The following ETV6 variants were observed in gnomAD, a reference collection of about 807,000 sequenced individuals.
The protein encoded by ETV6 is transcription factor ETV6.
Under a neutral mutation model 51.1 loss-of-function variants are expected in ETV6, and 16 were observed. The ratio of observed to expected loss-of-function variants is 0.31; its 90% CI spans 0.21 to 0.48. The LOEUF (loss-of-function observed/expected upper bound fraction) is 0.48, where lower values mean the gene tolerates loss of function less well. Ranked by LOEUF, ETV6 falls within the 20% of genes least tolerant of loss-of-function variation. The probability of loss-of-function intolerance (pLI) is 0.99; values close to 1 mark genes in which losing one functional copy is unlikely to be tolerated. For synonymous variants in ETV6, 240 were observed against 224.1 expected (o/e 1.07, Z -0.64); for missense variants, 458 against 594.8 (o/e 0.77, Z 2.39).
intron 4 of ETV6, among the ~76,000 whole-genome samples, chr12:11,854,322 C>G (rs550482753): frequency 7.9e-5 from 12 of 152,284 alleles, no homozygotes; most frequent in African/African-American, 2.9e-4. Flanking sequence ...CACTCACTTG[C>G]CCCCACCGCT....
At chr12:11,686,242 G>C (rs1399924160) in intron 1 of ETV6, among the ~76,000 whole-genome samples, 1 of 152,288 alleles carries the variant, frequency 6.6e-6, no homozygotes, top group East Asian at 1.9e-4. Flanking sequence ...GTTCACCAGG[G>C]ACTAATGATT....
rs538899245 is a variant in ETV6, at chr12:11,796,005, T to C, written c.164-43135T>C. On this transcript the variant is annotated intron_variant, in intron 2 of 7. Transcript: ENST00000396373. Reference sequence around the variant, plus strand: ...CAAAAAGCCTAGCAAAATAACATCATGAATTTGATCTGAGTGGTCACAGCA... The same window carrying C: ...CAAAAAGCCTAGCAAAATAACATCACGAATTTGATCTGAGTGGTCACAGCA... Among the ~76,000 whole-genome samples the C allele has an allele frequency of 7.9e-4, 120 of 152,342 alleles. 1 individual carries two copies. The highest frequency in any genetic ancestry group is 9.7e-4 in the East Asian group (5 of 5,180).
rs747459377 is a variant in ETV6 at position 11,853,919 on chromosome 12, G to C, written c.463+358G>C. Among the ~76,000 whole-genome samples the C allele has an allele frequency of 3.3e-5, 5 of 152,228 alleles. No individual in the cohort carries two copies. In the South Asian group the frequency reaches 6.2e-4, roughly 19 times the overall value. The stretch of plus-strand genomic sequence containing the variant: ...CCACCCTTTTTGGCACCAGGGACCA[G>C]TTTTGTGGAAGACAGTTTTTCCACC... On this transcript the variant is annotated intron_variant, in intron 4 of 7. Coordinates refer to ENST00000396373, the MANE Select transcript of ETV6 (RefSeq NM_001987.5).
rs944865100 is a variant in ETV6, at chr12:11,892,587, C to A, written c.*1541C>A. Reference sequence around the variant, plus strand: ...AAATCCAATATTTGGAGTACAATTTCTTTTAATCCAGATTACACCTGCCTT... The same window carrying A: ...AAATCCAATATTTGGAGTACAATTTATTTTAATCCAGATTACACCTGCCTT... On this transcript the variant is annotated 3_prime_UTR_variant, in exon 8 of 8. Coordinates refer to ENST00000396373, the MANE Select transcript of ETV6 (RefSeq NM_001987.5). The A allele has an allele frequency of 8.7e-6, 2 of 230,832 alleles. No homozygotes were observed. Among genetic ancestry groups the A allele is most frequent in the African/African-American group, 2.2e-5 (1 of 44,700 alleles). The allele number at this position is 230,832 out of a possible 1,614,324, so 14.3% of individuals were successfully genotyped here.
chr12:11,656,834 T>C (rs769644612), intron 1 of ETV6, among the ~76,000 whole-genome samples: 11 of 152,154 alleles, frequency 7.2e-5, no homozygotes, highest in Non-Finnish European at 1.2e-4. Context: ...CTTTTTTTTT[T>C]TTCCTTTTAA....
chr12:11,884,169 C>T (rs142780778), intron 5 of ETV6, among the ~76,000 whole-genome samples: 4 of 152,312 alleles, frequency 2.6e-5, no homozygotes, highest in South Asian at 2.1e-4. Flanking sequence ...GTTTGGGTCA[C>T]GACCGTGGAC....
At chr12:11,849,267 C>T (rs1038256903) in intron 3 of ETV6, among the ~76,000 whole-genome samples, 6 of 152,058 alleles carry the variant, frequency 3.9e-5, no homozygotes, top group African/African-American at 1.2e-4. Context: ...CGCATCACCA[C>T]GCCCAACTAA....
At chr12:11,823,592 A>G (rs984397815) in intron 2 of ETV6, among the ~76,000 whole-genome samples, 6 of 150,670 alleles carry the variant, frequency 4.0e-5, no homozygotes, top group Non-Finnish European at 7.4e-5. Context: ...TCAGCCTTCC[A>G]AGTAACTGGG....
chr12:11,720,782 CA>C (rs989276477), intron 1 of ETV6, among the ~76,000 whole-genome samples: 15 of 152,202 alleles, frequency 9.9e-5, no homozygotes, highest in African/African-American at 3.6e-4. Flanking sequence ...ACAGAGTAAA[CA>C]GCAACCTACC....
chr12:11,895,065 C>CT lies in ETV6; in HGVS notation c.*4023dup. On this transcript the variant is annotated 3_prime_UTR_variant, in exon 8 of 8. Coordinates refer to ENST00000396373, the MANE Select transcript of ETV6 (RefSeq NM_001987.5). ...ACCCACAGAAGACTAACCTGATACT[C>CT]TTTTGACCCAACTGCATCAACACTA... The CT allele has an allele frequency of 8.6e-6, 2 of 232,566 alleles. No individual in the cohort carries two copies. The highest frequency in any genetic ancestry group is 6.1e-5 in the East Asian group (1 of 16,468). The allele number at this position is 232,566 out of a possible 1,614,324, so 14.4% of individuals were successfully genotyped here.
Position 11,869,912 on chromosome 12 carries a change from A to G in ETV6, c.952A>G (p.Ile318Val). Reference sequence around the variant, plus strand: ...GGAAGACCTGGCTTACATGAACCACATCATGGTCTCTGTCTCCCCGCCTGA... The same window carrying G: ...GGAAGACCTGGCTTACATGAACCACGTCATGGTCTCTGTCTCCCCGCCTGA... The part of the protein sequence containing the change: ...HREDLAYMNH[I>V]MVSVSPPEEH... Residue 318 changes from isoleucine (I) to valine (V), a missense_variant, in exon 5 of 8, where the codon ATC (isoleucine) becomes GTC (valine). By Grantham distance (29) the Ile-to-Val change is conservative. This residue lies in a region of ETV6 where 293 missense variants were observed against 315.7 expected (regional missense o/e 0.93). Coordinates refer to ENST00000396373, the MANE Select transcript of ETV6 (RefSeq NM_001987.5). The surrounding 1 kb of genome is among the most constrained non-coding windows in gnomAD (Gnocchi z 5.0). The G allele has an allele frequency of 1.9e-6, 3 of 1,612,034 alleles. No homozygotes were observed. The highest frequency in any genetic ancestry group is 2.5e-6 in the Non-Finnish European group (3 of 1,180,008).
At chr12:11,718,119 G>A (rs1156359827) in intron 1 of ETV6, among the ~76,000 whole-genome samples, 1 of 152,114 alleles carries the variant, frequency 6.6e-6, no homozygotes, top group African/African-American at 2.4e-5. Context: ...GGAAGTTTCC[G>A]AAACTTCCAA....
At chr12:11,698,929 T>G (rs1162780904) in intron 1 of ETV6, among the ~76,000 whole-genome samples, 1 of 152,200 alleles carries the variant, frequency 6.6e-6, no homozygotes, top group African/African-American at 2.4e-5. Flanking sequence ...AGAGAGGTTA[T>G]GTAACCTGCC....
chr12:11,654,256 C>G (rs574891928), intron 1 of ETV6, among the ~76,000 whole-genome samples: 1 of 152,268 alleles, frequency 6.6e-6, no homozygotes, highest in Admixed American at 6.5e-5. Context: ...TAAGTGCCCC[C>G]CAGTTTTTCT....
At chr12:11,707,459 T>C (rs1865093674) in intron 1 of ETV6, among the ~76,000 whole-genome samples, 1 of 152,364 alleles carries the variant, frequency 6.6e-6, no homozygotes, top group Non-Finnish European at 1.5e-5. Flanking sequence ...ATCCCTTTCA[T>C]GCTCCCACTT....
In ETV6 at chr12:11,853,493, C is replaced by A. The variant is rs1345612511; in HGVS notation, c.395C>A (p.Pro132Gln). ...KQRKPRILFS[P>Q]FFHPGNSIHT... ...AGGAAACCTCGGATTCTTTTTTCAC[C>A]ATTCTTCCACCCTGGAAACTCTATA... is the stretch of plus-strand genomic sequence containing the variant. Residue 132 changes from proline (P) to glutamine (Q), a missense_variant, in exon 4 of 8, where the codon CCA becomes CAA. Around this residue, in one of 4 missense-constraint regions of ETV6, gnomAD observed 293 missense variants for 315.7 expected, o/e 0.93. Coordinates refer to ENST00000396373, the MANE Select transcript of ETV6 (RefSeq NM_001987.5). The A allele has an allele frequency of 1.2e-6, 2 of 1,614,038 alleles. No homozygotes were observed. The highest frequency in any genetic ancestry group is 1.7e-5 in the Admixed American group (1 of 60,010).
rs562528842 is a variant in ETV6 at position 11,757,751 on chromosome 12, G to A, written c.163+5172G>A. Among the ~76,000 whole-genome samples, 9 of 152,352 alleles carry A rather than the reference G, an allele frequency of 5.9e-5. No individual in the cohort carries two copies. In the South Asian group the frequency reaches 1.9e-3, roughly 32 times the overall value. On this transcript the variant is annotated intron_variant, in intron 2 of 7. Coordinates refer to ENST00000396373, the MANE Select transcript of ETV6 (RefSeq NM_001987.5). Reference sequence around the variant, plus strand: ...ACTGCTGACCGCTGAAGTCTGGGCAGCCACAGGTGCAGGGACTGGGACCGG... The same window carrying A: ...ACTGCTGACCGCTGAAGTCTGGGCAACCACAGGTGCAGGGACTGGGACCGG...
At chr12:11,836,334 C>T (rs1279911668) in intron 2 of ETV6, among the ~76,000 whole-genome samples, 1 of 152,216 alleles carries the variant, frequency 6.6e-6, no homozygotes, top group Admixed American at 6.5e-5. Context: ...AAAGGAAGAG[C>T]AGCGACGCTG....
At chr12:11,870,457 T>G (rs1031953539) in intron 5 of ETV6, among the ~76,000 whole-genome samples, 2 of 152,108 alleles carry the variant, frequency 1.3e-5, no homozygotes, top group African/African-American at 4.8e-5. Context: ...AGGCAGGTGT[T>G]GCTGGGCCAT....
Sources: gnomAD v4.1 joint callset for allele counts (sites outside exome capture counted in the v4.1 genomes callset) on GRCh38, gnomAD v4.1.1 for gene constraint, gnomAD v4.1.1 regional missense constraint, Gnocchi (gnomAD v3.1) non-coding constraint, MANE v1.5 for transcripts, NCBI Gene and HGNC (gene_info 2026-07-23, HGNC 2026-07-21) for gene names.